Variants in ERBB4 observed in about 807,000 individuals in gnomAD.
ERBB4 encodes erb-b2 receptor tyrosine kinase 4.
Under a neutral mutation model 158.0 loss-of-function variants are expected in ERBB4, and 42 were observed. The ratio of observed to expected loss-of-function variants is 0.27; its 90% CI spans 0.21 to 0.34. ERBB4 has a LOEUF of 0.34. Among genes scored for constraint, ERBB4 ranks in the 10% least tolerant of loss-of-function variants. ERBB4 has a pLI of 1.00. For synonymous variants in ERBB4, 583 were observed against 558.7 expected, an observed-to-expected ratio of 1.04 and a Z score of -0.61; for missense variants, 1,333 against 1,624.1, an observed-to-expected ratio of 0.82 and a Z score of 3.08.
At chr2:211,685,153 T>A (rs1437926706) in intron 12 of ERBB4, among the ~76,000 whole-genome samples, 3 of 152,256 alleles carry the variant, frequency 2.0e-5, no homozygotes, top group Non-Finnish European at 4.4e-5. Context: ...ATTTATCATT[T>A]TGTTTTTTAT....
At chr2:212,093,253 C>T (rs955269727) in intron 2 of ERBB4, among the ~76,000 whole-genome samples, 1 of 152,144 alleles carries the variant, frequency 6.6e-6, no homozygotes, top group Admixed American at 6.6e-5. Context: ...AAGTACTTAA[C>T]CTTGTGCTAT....
chr2:212,339,189 G>T (rs2106314917), intron 1 of ERBB4, among the ~76,000 whole-genome samples: 1 of 152,108 alleles, frequency 6.6e-6, no homozygotes, highest in South Asian at 2.1e-4. Flanking sequence ...ATCAGGCCCA[G>T]TGTGTGTTGT....
At chr2:212,429,979 T>C (rs2091990652) in intron 1 of ERBB4, among the ~76,000 whole-genome samples, 1 of 152,234 alleles carries the variant, frequency 6.6e-6, no homozygotes, top group South Asian at 2.1e-4. Flanking sequence ...ATGGGATTCA[T>C]ACATATGCAG....
At chr2:211,889,676 T>C (rs1244087666) in intron 3 of ERBB4, among the ~76,000 whole-genome samples, 1 of 143,882 alleles carries the variant, frequency 7.0e-6, no homozygotes, top group Non-Finnish European at 1.5e-5. Flanking sequence ...TAGAAGAATG[T>C]ATAACTAGAA....
At chr2:212,504,930 A>ATGT (rs1691105028) in intron 1 of ERBB4, among the ~76,000 whole-genome samples, 1 of 152,198 alleles carries the variant, frequency 6.6e-6, no homozygotes, top group African/African-American at 2.4e-5. Flanking sequence ...AAAAACTGAA[A>ATGT]AATATGTATG....
At chr2:211,791,396 T>G (rs183609883) in intron 3 of ERBB4, among the ~76,000 whole-genome samples, 1 of 151,930 alleles carries the variant, frequency 6.6e-6, no homozygotes, top group African/African-American at 2.4e-5. Flanking sequence ...AACCAACAGT[T>G]TCCCCCCACT....
chr2:211,564,631 T>C (rs564911735), intron 19 of ERBB4, among the ~76,000 whole-genome samples: 1 of 152,252 alleles, frequency 6.6e-6, no homozygotes, highest in South Asian at 2.1e-4. Context: ...CAAATCTTGA[T>C]ACATGTACCT....
At chr2:212,414,163 CCTGA>C (rs765679765) in intron 1 of ERBB4, among the ~76,000 whole-genome samples, 7 of 152,158 alleles carry the variant, frequency 4.6e-5, no homozygotes, top group East Asian at 1.9e-4. Context: ...TCTGAAAATA[CCTGA>C]CTGCTATTAA....
chr2:211,546,116 A>G (rs1375321034), intron 20 of ERBB4, among the ~76,000 whole-genome samples: 1 of 151,968 alleles, frequency 6.6e-6, no homozygotes, highest in African/African-American at 2.4e-5. Context: ...TAGAAAGTGA[A>G]ATTACGTAGA....
At position 211,949,699 on chromosome 2, in the gene ERBB4, C is replaced by A. The variant is rs367615728; in HGVS notation, c.235-2083G>T. On this transcript the variant is annotated intron_variant, in intron 2 of 27. Coordinates refer to ENST00000342788, the MANE Select transcript of ERBB4 (RefSeq NM_005235.3). ...AAATTGTGCATTATACCCTTAAAAA[C>A]CTGAGTTTCCTTTCATCTTGTTATC... Among the ~76,000 whole-genome samples, 27 of 152,176 alleles carry A rather than the reference C, an allele frequency of 1.8e-4. No homozygotes were observed. The East Asian group carries it at 4.8e-3, about 27-fold the overall frequency.
chr2:211,712,356 G>T (rs755827056), intron 8 of ERBB4, among the ~76,000 whole-genome samples, 180 bp from the exon 9 acceptor site: 98 of 152,066 alleles, frequency 6.4e-4, no homozygotes, highest in Non-Finnish European at 1.3e-3. Flanking sequence ...TACTGGTTCT[G>T]CTTTAAAAAC....
chr2:212,222,885 A>C (rs564213524), intron 1 of ERBB4, among the ~76,000 whole-genome samples: 2 of 151,684 alleles, frequency 1.3e-5, no homozygotes, highest in South Asian at 2.1e-4. Flanking sequence ...TCTTGCACTT[A>C]ATTCAAGAAT....
At chr2:212,174,876 A>G (rs1175589066) in intron 1 of ERBB4, among the ~76,000 whole-genome samples, 1 of 152,028 alleles carries the variant, frequency 6.6e-6, no homozygotes, top group Non-Finnish European at 1.5e-5. Flanking sequence ...GGCATTGCAT[A>G]CACAATTTTA....
Position 211,750,699 on chromosome 2 carries a change from G to A in ERBB4, c.562C>T (p.Arg188Cys), listed in dbSNP as rs752051535. Reference protein sequence around the residue: ...VSTNGSSGCGRCHKSCTGRCW... With the variant: ...VSTNGSSGCGCCHKSCTGRCW... The stretch of plus-strand genomic sequence containing the variant: ...CGGCCAGTACAGGACTTATGGCAAC[G>A]TCCACCTGCAGAACACGAAAAGGGA... Residue 188 changes from arginine (R) to cysteine (C), a missense_variant, in exon 5 of 28, where the codon CGT (arginine) becomes TGT (cysteine). Coordinates refer to ENST00000342788, the MANE Select transcript of ERBB4 (RefSeq NM_005235.3). 2.5e-6 allele frequency: 4 copies of A among 1,613,650 alleles called. No individual in the cohort carries two copies. The highest frequency in any genetic ancestry group is 1.3e-5 in the African/African-American group (1 of 74,978).
At chr2:211,979,782 C>A (rs1426082514) in intron 2 of ERBB4, among the ~76,000 whole-genome samples, 2 of 152,042 alleles carry the variant, frequency 1.3e-5, no homozygotes, top group African/African-American at 2.4e-5. Flanking sequence ...AAAGAAGAGA[C>A]CTTGTTTATC....
chr2:212,506,893 C>T (rs971023387), intron 1 of ERBB4, among the ~76,000 whole-genome samples: 11 of 152,154 alleles, frequency 7.2e-5, no homozygotes, highest in Admixed American at 5.2e-4. Context: ...CACTAAACAA[C>T]AGATTTTCCA....
At chr2:211,664,494 G>A (rs1416899347) in intron 15 of ERBB4, among the ~76,000 whole-genome samples, 4 of 152,200 alleles carry the variant, frequency 2.6e-5, no homozygotes, top group East Asian at 1.9e-4. Flanking sequence ...TTCACCTTCC[G>A]GAGGAATGAA....
At chr2:211,469,234 C>T (rs1349849922) in intron 20 of ERBB4, among the ~76,000 whole-genome samples, 1 of 152,144 alleles carries the variant, frequency 6.6e-6, no homozygotes, top group Non-Finnish European at 1.5e-5. Context: ...AAGTAGATTA[C>T]AGTTAGCTCA....
At chr2:212,292,944 C>T (rs899896972) in intron 1 of ERBB4, among the ~76,000 whole-genome samples, 2 of 151,740 alleles carry the variant, frequency 1.3e-5, no homozygotes, top group Non-Finnish European at 2.9e-5. Flanking sequence ...ATAAATGGTC[C>T]CAAGGACTCT....
Sources: allele counts gnomAD v4.1 joint callset (sites outside exome capture counted in the v4.1 genomes callset), GRCh38; gene constraint gnomAD v4.1.1; transcripts MANE v1.5; gene names NCBI Gene and HGNC (gene_info 2026-07-23, HGNC 2026-07-21).